The following NUAK1 variants were observed in gnomAD, a reference collection of about 807,000 sequenced individuals.
NUAK1 encodes NUAK family kinase 1.
NUAK1 carries 26 observed loss-of-function variants against 56.9 expected under a neutral mutation model. That is an observed-to-expected ratio of 0.46 (90% confidence interval 0.33 to 0.63). NUAK1 has a LOEUF of 0.63. Among genes scored for constraint, NUAK1 ranks in the 30% least tolerant of loss-of-function variants. The probability of loss-of-function intolerance (pLI) is 0.02; values close to 1 mark genes in which losing one functional copy is unlikely to be tolerated. For synonymous variants in NUAK1, 337 were observed against 336.0 expected (o/e 1.00, Z -0.03); for missense variants, 727 against 876.1 (o/e 0.83, Z 2.15).
At chr12:106,092,505 A>C (rs1304185516) in intron 2 of NUAK1, among the ~76,000 whole-genome samples, 1 of 152,200 alleles carries the variant, frequency 6.6e-6, no homozygotes, top group Non-Finnish European at 1.5e-5. Context: ...CAAAAAAAAA[A>C]AATGGAATCA....
At chr12:106,126,111 G>T (rs1190663876) in intron 1 of NUAK1, among the ~76,000 whole-genome samples, 1 of 152,134 alleles carries the variant, frequency 6.6e-6, no homozygotes. Context: ...AGAGATTAAA[G>T]AAGAAAAATA....
chr12:106,096,278 G>A (rs961083178), intron 2 of NUAK1, among the ~76,000 whole-genome samples: 3 of 152,122 alleles, frequency 2.0e-5, no homozygotes, highest in African/African-American at 2.4e-5. Flanking sequence ...GCATTAGTTT[G>A]TAGCTGTTTT....
intron 1 of NUAK1, among the ~76,000 whole-genome samples, chr12:106,124,399 C>A (rs553047021): frequency 6.6e-6 from 1 of 152,254 alleles, no homozygotes; most frequent in African/African-American, 2.4e-5. Context: ...ATATTGCAAT[C>A]ATTCATGCAT....
Position 106,111,798 on chromosome 12 carries a change from G to A in NUAK1, c.241-5273C>T, listed in dbSNP as rs1395099389. On this transcript the variant is annotated intron_variant, in intron 1 of 6. Transcript: ENST00000261402. ...TTAATATTTCTTAGGTGTTAATCAT[G>A]TGCCAGTGGACCTTATCTCATTTAA... is the stretch of plus-strand genomic sequence containing the variant. 7.9e-5 allele frequency among the ~76,000 whole-genome samples: 12 copies of A among 151,378 alleles called. No individual in the cohort carries two copies. In the Admixed American group the frequency reaches 7.9e-4, roughly 10 times the overall value.
chr12:106,138,556 G>A lies in NUAK1; in HGVS notation c.98C>T (p.Ala33Val). 6.2e-7 allele frequency: 1 copy of A among 1,608,406 alleles called. No individual in the cohort carries two copies. Among genetic ancestry groups the A allele is most frequent in the South Asian group, 1.1e-5 (1 of 90,828 alleles). The change falls in exon 1 of 7, where the codon GCC (alanine) becomes GTC (valine). Residue 33 changes from alanine to valine, a missense_variant. Physicochemically the swap from Ala to Val is moderately conservative, Grantham distance 64. Transcript: ENST00000261402. The surrounding 1 kb of genome is among the most constrained non-coding windows in gnomAD (Gnocchi z 5.0). ...PREAVAGATA[A>V]LEPRKPHGVK... ...CCCGTGCGGCTTCCTGGGCTCCAGG[G>A]CTGCAGTCGCCCCCGCCACCGCCTC...
intron 1 of NUAK1, among the ~76,000 whole-genome samples, chr12:106,122,998 G>C (rs2032993110): frequency 6.6e-6 from 1 of 152,182 alleles, no homozygotes; most frequent in South Asian, 2.1e-4. Context: ...ACAAATATCA[G>C]ATGAATCCAT....
chr12:106,120,801 C>A (rs1029111304), intron 1 of NUAK1, among the ~76,000 whole-genome samples: 1 of 152,172 alleles, frequency 6.6e-6, no homozygotes, highest in African/African-American at 2.4e-5. Context: ...TCGGACACAC[C>A]GGTCCCACAG....
intron 1 of NUAK1, among the ~76,000 whole-genome samples, chr12:106,123,303 A>G (rs2032996012): frequency 6.6e-6 from 1 of 152,214 alleles, no homozygotes; most frequent in African/African-American, 2.4e-5. Flanking sequence ...CTAGAGCAGC[A>G]CTAGTCCTGC....
At chr12:106,075,685 T>C (rs912781577) in intron 4 of NUAK1, among the ~76,000 whole-genome samples, 3 of 152,148 alleles carry the variant, frequency 2.0e-5, no homozygotes, top group Admixed American at 2.0e-4. Flanking sequence ...AGTGAAGAAA[T>C]AGAGAAATTT....
chr12:106,072,066 C>T (rs188965931), intron 5 of NUAK1, among the ~76,000 whole-genome samples: 17 of 152,272 alleles, frequency 1.1e-4, no homozygotes, highest in East Asian at 3.9e-4. Context: ...CCCTTGAAAG[C>T]GCTAGCATGT....
chr12:106,120,091 T>G (rs930478424), intron 1 of NUAK1, among the ~76,000 whole-genome samples: 5 of 152,176 alleles, frequency 3.3e-5, no homozygotes, highest in Admixed American at 1.3e-4. Context: ...CATGGCAGGC[T>G]GAACACTAGG....
At chr12:106,097,826 T>C (rs2032710090) in intron 2 of NUAK1, among the ~76,000 whole-genome samples, 1 of 152,166 alleles carries the variant, frequency 6.6e-6, no homozygotes, top group South Asian at 2.1e-4. Flanking sequence ...AGTTTCCAAT[T>C]CAGCAGGTCT....
chr12:106,086,313 G>A (rs1428560138), intron 3 of NUAK1, among the ~76,000 whole-genome samples: 1 of 152,066 alleles, frequency 6.6e-6, no homozygotes, highest in Non-Finnish European at 1.5e-5. Context: ...TGAATCCACC[G>A]TGGTACCCTA....
intron 1 of NUAK1, among the ~76,000 whole-genome samples, chr12:106,124,561 A>C (rs2033007769): frequency 6.6e-6 from 1 of 152,182 alleles, no homozygotes; most frequent in Non-Finnish European, 1.5e-5. Flanking sequence ...CTTTGAAACA[A>C]TTTTGGGGCA....
Position 106,066,535 on chromosome 12 carries a change from C to T in NUAK1, c.*267G>A, listed in dbSNP as rs1405182487. On this transcript the variant is annotated 3_prime_UTR_variant, in exon 7 of 7. Transcript: ENST00000261402. ...CACTGAGTGCCGGTCAATACCACCT[C>T]CCCTGGACAGCTGGTCCTCTAGGAG... is the stretch of plus-strand genomic sequence containing the variant. The T allele has an allele frequency of 5.9e-6, 3 of 507,694 alleles. No homozygotes were observed. Among genetic ancestry groups the T allele is most frequent in the Non-Finnish European group, 1.1e-5 (3 of 281,162 alleles). 31.4% of individuals were successfully genotyped at this position (507,694 alleles called of 1,614,324 possible).
At chr12:106,080,604 A>G (rs1457170417) in intron 4 of NUAK1, among the ~76,000 whole-genome samples, 1 of 152,186 alleles carries the variant, frequency 6.6e-6, no homozygotes, top group East Asian at 1.9e-4. Flanking sequence ...ATAATTTCCA[A>G]TGCCAGATGT....
At chr12:106,135,583 C>T (rs1465637401) in intron 1 of NUAK1, among the ~76,000 whole-genome samples, 2 of 152,194 alleles carry the variant, frequency 1.3e-5, no homozygotes, top group Non-Finnish European at 2.9e-5. Context: ...GCATTTCATA[C>T]AACCCCATAC....
intron 1 of NUAK1, among the ~76,000 whole-genome samples, chr12:106,137,649 C>CA (rs1334124746): frequency 6.6e-6 from 1 of 152,252 alleles, no homozygotes; most frequent in African/African-American, 2.4e-5. Context: ...GGCAGGGTGT[C>CA]AGCTGTCACA....
chr12:106,079,278 T>C (rs565091398), intron 4 of NUAK1, among the ~76,000 whole-genome samples: 2 of 152,304 alleles, frequency 1.3e-5, no homozygotes, highest in African/African-American at 4.8e-5. Context: ...GTTCCTGTGC[T>C]TGCTGTTTCT....
Sources: gnomAD v4.1 joint callset for allele counts (sites outside exome capture counted in the v4.1 genomes callset) on GRCh38, gnomAD v4.1.1 for gene constraint, Gnocchi (gnomAD v3.1) non-coding constraint, MANE v1.5 for transcripts, NCBI Gene and HGNC (gene_info 2026-07-23, HGNC 2026-07-21) for gene names.